EIF2B2: variants seen among roughly 807,000 people sequenced by gnomAD.
EIF2B2 encodes the protein eukaryotic translation initiation factor 2B subunit beta.
Under a neutral mutation model 34.7 loss-of-function variants are expected in EIF2B2, and 34 were observed. The observed-to-expected ratio is 0.98, with a 90% CI of 0.75 to 1.31. The LOEUF is 1.31. EIF2B2 is among the 50% of genes most tolerant of loss of function. The pLI is 0.00. For synonymous variants in EIF2B2, 155 were observed against 171.6 expected, an observed-to-expected ratio of 0.90 and a Z score of 0.76; for missense variants, 361 against 447.7, an observed-to-expected ratio of 0.81 and a Z score of 1.75.
chr14:75,005,431 C>G (rs1047735990), intron 4 of EIF2B2, among the ~76,000 whole-genome samples: 19 of 151,616 alleles, frequency 1.3e-4, no homozygotes, highest in African/African-American at 4.4e-4. Context: ...TAACTTGATT[C>G]TTTTAGGAAT....
chr14:75,010,460 AGGATGG>A lies in EIF2B2; in HGVS notation c.*1273_*1278del, dbSNP rs1350680287. On this transcript the variant is annotated 3_prime_UTR_variant, in exon 8 of 8. Transcript: ENST00000266126. ...TATACATGGCAATAGAAGTTTCAAA[AGGATGG>A]CTGGAGGGGCAGTGTCTGGATTGAA... is the stretch of plus-strand genomic sequence containing the variant. The A allele has an allele frequency of 6.6e-6, 1 of 152,262 alleles. No individual in the cohort carries two copies. The highest frequency in any genetic ancestry group is 2.4e-5 in the African/African-American group (1 of 41,470). The allele number at this position is 152,262 out of a possible 1,614,324, so 9.4% of individuals were successfully genotyped here.
In EIF2B2 at chr14:75,009,228, C is replaced by A. The variant is rs760167860; in HGVS notation, c.*40C>A. ...CCTAAGCAGATTGCTTAGGCAGATA[C>A]AGAATGAAGAGGAGACTTGAGTGTT... On this transcript the variant is annotated 3_prime_UTR_variant, in exon 8 of 8. Transcript: ENST00000266126. 5 of 1,611,524 alleles carry A rather than the reference C, an allele frequency of 3.1e-6. No individual in the cohort carries two copies. The highest frequency in any genetic ancestry group is 4.2e-6 in the Non-Finnish European group (5 of 1,178,338).
At position 75,006,533 on chromosome 14, in the gene EIF2B2, GC is replaced by G. The variant is rs1415177813; in HGVS notation, c.694-43del. 1.2e-6 allele frequency: 2 copies of G among 1,610,192 alleles called. No homozygotes were observed. The highest frequency in any genetic ancestry group is 2.2e-5 in the South Asian group (2 of 91,060). On this transcript the variant is annotated intron_variant, in intron 5 of 7. Coordinates refer to ENST00000266126, the MANE Select transcript of EIF2B2 (RefSeq NM_014239.4). The surrounding 1 kb of genome is among the most constrained non-coding windows in gnomAD (Gnocchi z 4.1). ...TTTTGTGGCCAGTGGCCCTTTTAGG[GC>G]TCCACCCCCAGGATGGCTCACATTT...
chr14:75,008,745 G>A (rs1260161515), intron 7 of EIF2B2, among the ~76,000 whole-genome samples: 3 of 152,228 alleles, frequency 2.0e-5, no homozygotes, highest in African/African-American at 7.2e-5. Context: ...TGAGCAAGGG[G>A]GAGAGTGGTC....
In EIF2B2 at chr14:75,003,263, T is replaced by A. The variant is rs765129237; in HGVS notation, c.164-12T>A. On this transcript the variant is annotated splice_polypyrimidine_tract_variant and intron_variant, in intron 1 of 7. Transcript: ENST00000266126. ...CGTTGGCTCCTCTTATCCTCTCTCT[T>A]TTGGACTGTAGGGGAGCTGATGGAG... 2 of 1,613,404 alleles carry A rather than the reference T, an allele frequency of 1.2e-6. No individual in the cohort carries two copies. The highest frequency in any genetic ancestry group is 2.2e-5 in the South Asian group (2 of 91,054).
chr14:75,012,162 C>G lies in EIF2B2; in HGVS notation c.*2974C>G, dbSNP rs1889715354. The G allele has an allele frequency of 6.6e-6, 1 of 152,072 alleles. No individual in the cohort carries two copies. Among genetic ancestry groups the G allele is most frequent in the South Asian group, 2.1e-4 (1 of 4,834 alleles). 9.4% of individuals were successfully genotyped at this position (152,072 alleles called of 1,614,324 possible). Reference sequence around the variant, plus strand: ...AGAACCTGAACTGAACAGGAGGAAACAGAAGTTCCACATCAACTCACTACC... The same window carrying G: ...AGAACCTGAACTGAACAGGAGGAAAGAGAAGTTCCACATCAACTCACTACC... On this transcript the variant is annotated 3_prime_UTR_variant, in exon 8 of 8. Transcript: ENST00000266126.
intron 4 of EIF2B2, among the ~76,000 whole-genome samples, chr14:75,005,333 C>T (rs566599355): frequency 2.0e-5 from 3 of 151,220 alleles, no homozygotes; most frequent in East Asian, 1.9e-4. Context: ...GCCAAGATAG[C>T]GCCACTGCAC....
chr14:75,003,764 G>A, intron 3 of EIF2B2, 65 bp downstream of exon 3: 3 of 1,604,904 alleles, frequency 1.9e-6, no homozygotes, highest in South Asian at 2.2e-5. Flanking sequence ...AGAAGCCTCT[G>A]AAGGTTGTTC....
Position 75,002,974 on chromosome 14 carries a change from A to T in EIF2B2, c.-17A>T. On this transcript the variant is annotated 5_prime_UTR_variant, in exon 1 of 8. The change creates a new upstream start codon in the 5' untranslated region. Coordinates refer to ENST00000266126, the MANE Select transcript of EIF2B2 (RefSeq NM_014239.4). The stretch of plus-strand genomic sequence containing the variant: ...TGTGGATTCCGCCGGTGAAGGCTGA[A>T]GGCAGCTACCTTAAAGATGCCGGGA... 1 of 1,613,844 alleles carries T rather than the reference A, an allele frequency of 6.2e-7. No individual in the cohort carries two copies. Among genetic ancestry groups the T allele is most frequent in the African/African-American group, 1.3e-5 (1 of 75,044 alleles).
At chr14:75,003,188 C>T (rs779230535) in intron 1 of EIF2B2, 35 bp downstream of exon 1, 1 of 1,613,354 alleles carries the variant, frequency 6.2e-7, no homozygotes, top group South Asian at 1.1e-5. Flanking sequence ...CGAACCTGGC[C>T]CCTGTCTGTT....
intron 4 of EIF2B2, 121 bp from the exon 5 acceptor site, chr14:75,005,745 T>C (rs1461717267): frequency 1.3e-6 from 1 of 797,008 alleles, no homozygotes; most frequent in African/African-American, 1.7e-5. Context: ...GAGTTATCTA[T>C]TGGAAATTAT....
Position 75,009,151 on chromosome 14 carries a change from T to C in EIF2B2, c.1019T>C (p.Met340Thr). Reference protein sequence around the residue: ...GNAPSYIYRLMSELYHPDDHV... With the variant: ...GNAPSYIYRLTSELYHPDDHV... ...GCACCTTCCTACATCTACCGCCTGA[T>C]GAGTGAACTCTACCATCCTGATGAT... The change falls in exon 8 of 8, where the codon ATG becomes ACG. Residue 340 changes from methionine (M) to threonine (T), a missense_variant. Coordinates refer to ENST00000266126, the MANE Select transcript of EIF2B2 (RefSeq NM_014239.4). The C allele has an allele frequency of 6.2e-7, 1 of 1,614,146 alleles. No homozygotes were observed. The highest frequency in any genetic ancestry group is 2.2e-5 in the East Asian group (1 of 44,882).
rs1889569694 is a variant in EIF2B2, at chr14:75,003,340, A to G, written c.229A>G (p.Thr77Ala). ...GACGGCCGCTCAGCCCTCCGAGACCACCGTGGGCAACATGGTGCGGAGAGT... is the reference window on the plus strand; with the variant it reads ...GACGGCCGCTCAGCCCTCCGAGACCGCCGTGGGCAACATGGTGCGGAGAGT... The part of the protein sequence containing the change: ...RMTAAQPSET[T>A]VGNMVRRVLK... Residue 77 changes from threonine to alanine, a missense_variant, in exon 2 of 8, where the codon ACC becomes GCC. Coordinates refer to ENST00000266126, the MANE Select transcript of EIF2B2 (RefSeq NM_014239.4). 6.2e-7 allele frequency: 1 copy of G among 1,613,900 alleles called. No individual in the cohort carries two copies. The highest frequency in any genetic ancestry group is 8.5e-7 in the Non-Finnish European group (1 of 1,180,000).
chr14:75,004,629 C>T (rs563617968), intron 3 of EIF2B2, 108 bp from the exon 4 acceptor site: 48 of 368,306 alleles, frequency 1.3e-4, no homozygotes, highest in African/African-American at 9.4e-4. Context: ...CATCTTTTTC[C>T]GTATACGCGT....
intron 2 of EIF2B2, 45 bp from the exon 3 acceptor site, chr14:75,003,506 A>G (rs1030584724): frequency 6.2e-7 from 1 of 1,614,058 alleles, no homozygotes; most frequent in Non-Finnish European, 8.5e-7. Context: ...TACCTGCCTG[A>G]CCACTCCTCC....
intron 3 of EIF2B2, 36 bp downstream of exon 3, chr14:75,003,735 C>A: frequency 6.2e-7 from 1 of 1,613,650 alleles, no homozygotes; most frequent in South Asian, 1.1e-5. Flanking sequence ...TGGGACTGGT[C>A]ACAGGCACAT....
chr14:75,005,193 A>G (rs1267756045), intron 4 of EIF2B2: 4 of 363,796 alleles, frequency 1.1e-5, no homozygotes, highest in East Asian at 6.7e-5. Context: ...CCTGGCCAAC[A>G]TGACAAAACC....
At chr14:75,008,440 T>C (rs1889658624) in intron 7 of EIF2B2, 1 of 189,084 alleles carries the variant, frequency 5.3e-6, no homozygotes, top group East Asian at 1.3e-4. Flanking sequence ...TATCCAGCAC[T>C]CTTCTAGGCA....
At position 75,005,175 on chromosome 14, in the gene EIF2B2, G is replaced by A. The variant is rs1889609377; in HGVS notation, c.597+275G>A. ...GTGGATTACCTGAGGTCAGGAGTTC[G>A]AGAGCAGCCTGGCCAACATGACAAA... On this transcript the variant is annotated intron_variant, in intron 4 of 7. Coordinates refer to ENST00000266126, the MANE Select transcript of EIF2B2 (RefSeq NM_014239.4). The A allele has an allele frequency of 1.8e-5, 7 of 379,472 alleles. No homozygotes were observed. The Admixed American group carries it at 2.2e-4, about 12-fold the overall frequency. 23.5% of individuals were successfully genotyped at this position (379,472 alleles called of 1,614,324 possible).
Sources: allele counts gnomAD v4.1 joint callset (sites outside exome capture counted in the v4.1 genomes callset), GRCh38; gene constraint gnomAD v4.1.1; non-coding constraint Gnocchi (gnomAD v3.1); transcripts MANE v1.5; gene names NCBI Gene and HGNC (gene_info 2026-07-23, HGNC 2026-07-21).